The following LHFPL6 variants were observed in gnomAD, a reference collection of about 807,000 sequenced individuals.
LHFPL6 encodes LHFPL tetraspan subfamily member 6 protein.
LHFPL6 carries 9 observed loss-of-function variants against 20.6 expected under a neutral mutation model. The observed-to-expected ratio is 0.44, with a 90% CI of 0.26 to 0.76. The LOEUF (loss-of-function observed/expected upper bound fraction) is 0.76, where lower values mean the gene tolerates loss of function less well. Among genes scored for constraint, LHFPL6 ranks in the 30% least tolerant of loss-of-function variants. LHFPL6 has a pLI of 0.20. For synonymous variants in LHFPL6, 105 were observed against 98.7 expected (o/e 1.06, Z -0.38); for missense variants, 218 against 253.5 (o/e 0.86, Z 0.95).
At position 39,551,053 on chromosome 13, in the gene LHFPL6, A is replaced by G. The variant is rs1871132893; in HGVS notation, c.385+49779T>C. Among the ~76,000 whole-genome samples the G allele has an allele frequency of 5.9e-5, 9 of 152,124 alleles. No homozygotes were observed. In the South Asian group the frequency reaches 1.9e-3, roughly 31 times the overall value. On this transcript the variant is annotated intron_variant, in intron 2 of 3. Coordinates refer to ENST00000379589, the MANE Select transcript of LHFPL6 (RefSeq NM_005780.3). ...AGTTCTGTGCTTTCTAGTCTGTTCC[A>G]TTGATCTATCCTTTGTCTATTCTTT... is the stretch of plus-strand genomic sequence containing the variant.
intron 2 of LHFPL6, among the ~76,000 whole-genome samples, chr13:39,418,829 T>G (rs1290316904): frequency 1.3e-5 from 2 of 152,186 alleles, no homozygotes; most frequent in African/African-American, 2.4e-5. Flanking sequence ...ATTTCTGCTG[T>G]GACCAAACAG....
rs1021280951 is a variant in LHFPL6, at chr13:39,489,577, T to A, written c.386-111051A>T. ...TTTTTTTTTGGAGGGGAGCGGGGGA[T>A]AGGGTCTCGCTCTGTTACCCAGGCT... On this transcript the variant is annotated intron_variant, in intron 2 of 3. Transcript: ENST00000379589. Among the ~76,000 whole-genome samples the A allele has an allele frequency of 7.4e-5, 11 of 149,272 alleles. No homozygotes were observed. The East Asian group carries it at 8.2e-4, about 11-fold the overall frequency.
At chr13:39,492,314 A>G (rs1868953133) in intron 2 of LHFPL6, among the ~76,000 whole-genome samples, 2 of 152,242 alleles carry the variant, frequency 1.3e-5, no homozygotes, top group Admixed American at 1.3e-4. Flanking sequence ...CTGAATGATT[A>G]GCATTCACTT....
At chr13:39,573,881 T>G (rs1282702144) in intron 2 of LHFPL6, among the ~76,000 whole-genome samples, 1 of 152,172 alleles carries the variant, frequency 6.6e-6, no homozygotes, top group African/African-American at 2.4e-5. Flanking sequence ...TTTTGAAATA[T>G]TTTTCCTCTA....
intron 2 of LHFPL6, among the ~76,000 whole-genome samples, chr13:39,518,762 C>T (rs954034780): frequency 1.3e-5 from 2 of 152,154 alleles, no homozygotes; most frequent in African/African-American, 4.8e-5. Flanking sequence ...TACTCCCATC[C>T]CCCGCCATCC....
intron 2 of LHFPL6, among the ~76,000 whole-genome samples, chr13:39,595,336 C>T (rs1468674501): frequency 6.6e-6 from 1 of 152,088 alleles, no homozygotes; most frequent in Non-Finnish European, 1.5e-5. Context: ...CTTGCTCTGT[C>T]ACCCAGGCTG....
At chr13:39,389,254 G>C (rs1056998352) in intron 2 of LHFPL6, among the ~76,000 whole-genome samples, 27 of 152,174 alleles carry the variant, frequency 1.8e-4, no homozygotes, top group Admixed American at 2.0e-4. Flanking sequence ...GGCTGACTGG[G>C]TGGGGAACTA....
chr13:39,523,354 G>A (rs892136286), intron 2 of LHFPL6, among the ~76,000 whole-genome samples: 1 of 152,132 alleles, frequency 6.6e-6, no homozygotes, highest in African/African-American at 2.4e-5. Flanking sequence ...CGGATCACGA[G>A]GTCAGGAGAT....
intron 2 of LHFPL6, among the ~76,000 whole-genome samples, chr13:39,401,583 C>T (rs113573531): frequency 3.3e-5 from 5 of 152,308 alleles, no homozygotes; most frequent in African/African-American, 1.2e-4. Context: ...TTTGGAGATA[C>T]ATATGCTCAG....
chr13:39,535,685 A>G lies in LHFPL6; in HGVS notation c.385+65147T>C, dbSNP rs913359120. 2.0e-5 allele frequency among the ~76,000 whole-genome samples: 3 copies of G among 152,212 alleles called. No individual in the cohort carries two copies. The South Asian group carries it at 6.2e-4, about 32-fold the overall frequency. On this transcript the variant is annotated intron_variant, in intron 2 of 3. Coordinates refer to ENST00000379589, the MANE Select transcript of LHFPL6 (RefSeq NM_005780.3). ...ATCATTTTTTACCTGGTTGAAGTTG[A>G]CCTACATAGACATGTGTGCTATTAC...
chr13:39,579,021 C>T (rs1474055877), intron 2 of LHFPL6, among the ~76,000 whole-genome samples: 2 of 152,134 alleles, frequency 1.3e-5, no homozygotes, highest in Non-Finnish European at 2.9e-5. Context: ...GCACAAGAAA[C>T]ATCAGAAGAT....
intron 2 of LHFPL6, among the ~76,000 whole-genome samples, chr13:39,429,829 C>G (rs1003662482): frequency 1.3e-5 from 2 of 152,148 alleles, no homozygotes; most frequent in African/African-American, 4.8e-5. Context: ...CTTGCTAAAT[C>G]CAAAGGTAAA....
chr13:39,511,201 T>C (rs1348636654), intron 2 of LHFPL6, among the ~76,000 whole-genome samples: 1 of 151,600 alleles, frequency 6.6e-6, no homozygotes, highest in Non-Finnish European at 1.5e-5. Context: ...GTCTTTCAAA[T>C]GGACAAAAAA....
At chr13:39,442,171 C>T (rs996755573) in intron 2 of LHFPL6, among the ~76,000 whole-genome samples, 1 of 151,882 alleles carries the variant, frequency 6.6e-6, no homozygotes, top group Non-Finnish European at 1.5e-5. Context: ...AAATAGTCTT[C>T]TATGATCATG....
At chr13:39,479,084 C>T (rs866273683) in intron 2 of LHFPL6, among the ~76,000 whole-genome samples, 9 of 128,090 alleles carry the variant, frequency 7.0e-5, no homozygotes, top group South Asian at 2.4e-4. Context: ...GATAGATAGA[C>T]AGACATAGGT....
At chr13:39,546,153 G>A (rs866985446) in intron 2 of LHFPL6, among the ~76,000 whole-genome samples, 5 of 152,050 alleles carry the variant, frequency 3.3e-5, no homozygotes, top group African/African-American at 9.7e-5. Context: ...ATAAATAATA[G>A]CTATTAGACT....
intron 2 of LHFPL6, among the ~76,000 whole-genome samples, chr13:39,400,868 A>G (rs1870973368): frequency 6.6e-6 from 1 of 151,576 alleles, no homozygotes; most frequent in Non-Finnish European, 1.5e-5. Flanking sequence ...GCCTGTTAGC[A>G]TCAACTACTA....
chr13:39,367,568 G>T (rs1314952340), intron 3 of LHFPL6, among the ~76,000 whole-genome samples: 1 of 152,190 alleles, frequency 6.6e-6, no homozygotes, highest in East Asian at 1.9e-4. Flanking sequence ...GGAATTTGAG[G>T]ATTGTTGGGA....
At chr13:39,525,220 G>A (rs1431548098) in intron 2 of LHFPL6, among the ~76,000 whole-genome samples, 2 of 152,028 alleles carry the variant, frequency 1.3e-5, no homozygotes, top group African/African-American at 2.4e-5. Context: ...TCTCAGATTC[G>A]TTTAAGAGTC....
Sources: gnomAD v4.1 joint callset for allele counts (sites outside exome capture counted in the v4.1 genomes callset) on GRCh38, gnomAD v4.1.1 for gene constraint, MANE v1.5 for transcripts, NCBI Gene and HGNC (gene_info 2026-07-23, HGNC 2026-07-21) for gene names.